XRN1: variants seen among roughly 807,000 people sequenced by gnomAD.
XRN1 encodes strand-exchange protein 1 homolog.
Under a neutral mutation model 222.3 loss-of-function variants are expected in XRN1, and 67 were observed. The observed-to-expected ratio is 0.30, with a 90% CI of 0.25 to 0.37. XRN1 has a LOEUF of 0.37. Among genes scored for constraint, XRN1 ranks in the 10% least tolerant of loss-of-function variants. XRN1 has a pLI of 1.00. For synonymous variants in XRN1, 643 were observed against 652.4 expected, an observed-to-expected ratio of 0.99 and a Z score of 0.22; for missense variants, 1,707 against 2,000.2, an observed-to-expected ratio of 0.85 and a Z score of 2.80.
intron 22 of XRN1, 150 bp downstream of exon 22, chr3:142,383,150 T>C (rs2107939594): frequency 3.0e-6 from 2 of 668,564 alleles, no homozygotes; most frequent in East Asian, 5.5e-5. Flanking sequence ...TTTAGATATA[T>C]AAGTCAAACA....
chr3:142,425,896 G>GTT (rs879540004), intron 3 of XRN1, among the ~76,000 whole-genome samples: 2 of 144,388 alleles, frequency 1.4e-5, no homozygotes, highest in South Asian at 4.4e-4. Context: ...AATTCTGAAG[G>GTT]TTTTTTTTTT....
intron 16 of XRN1, 92 bp downstream of exon 16, chr3:142,404,815 A>G: frequency 8.1e-7 from 1 of 1,233,310 alleles, no homozygotes; most frequent in Non-Finnish European, 1.2e-6. Context: ...CTAATTCTCC[A>G]AACAGATATT....
At chr3:142,394,941 G>A (rs938553904) in intron 20 of XRN1, among the ~76,000 whole-genome samples, 2 of 152,190 alleles carry the variant, frequency 1.3e-5, no homozygotes, top group Non-Finnish European at 2.9e-5. Context: ...AATATTTCAT[G>A]TATATGTTTA....
chr3:142,414,179 C>G lies in XRN1; in HGVS notation c.1549G>C (p.Val517Leu). 6.2e-7 allele frequency: 1 copy of G among 1,613,380 alleles called. No individual in the cohort carries two copies. Among genetic ancestry groups the G allele is most frequent in the East Asian group, 2.2e-5 (1 of 44,826 alleles). The change falls in exon 14 of 41, where the codon GTA becomes CTA. Residue 517 changes from valine (V) to leucine (L), a missense_variant. This residue lies in a region of XRN1 where 1,234 missense variants were observed against 1,518.2 expected (regional missense o/e 0.81). Transcript: ENST00000392981. ...AAATTTTTGCTGGCTGCTGGAAGTA[C>G]AGCAAGAAGCTGTTCAAATGGCTTA... ...PFKPFEQLLA[V>L]LPAASKNLLP...
intron 27 of XRN1, among the ~76,000 whole-genome samples, chr3:142,366,435 T>C (rs2107868098): frequency 6.6e-6 from 1 of 152,360 alleles, no homozygotes; most frequent in South Asian, 2.1e-4. Context: ...TTTCATTTAT[T>C]CTTTCAATGA....
chr3:142,320,760 G>T (rs1281676389), intron 37 of XRN1, among the ~76,000 whole-genome samples: 4 of 152,056 alleles, frequency 2.6e-5, no homozygotes, highest in African/African-American at 9.7e-5. Context: ...TCATTAGGAA[G>T]TATTTTCTCT....
chr3:142,398,897 G>A (rs1275745635), intron 19 of XRN1, among the ~76,000 whole-genome samples: 1 of 151,918 alleles, frequency 6.6e-6, no homozygotes, highest in Admixed American at 6.6e-5. Context: ...AAAATCAATT[G>A]TATTTTTATA....
At chr3:142,392,321 ATTTC>A in intron 20 of XRN1, among the ~76,000 whole-genome samples, 1 of 118,718 alleles carries the variant, frequency 8.4e-6, no homozygotes, top group South Asian at 2.4e-4. Flanking sequence ...TAAGCCAGCA[ATTTC>A]TTTTTTTTTT....
chr3:142,352,778 T>A (rs1216589689), intron 32 of XRN1, among the ~76,000 whole-genome samples: 1 of 152,210 alleles, frequency 6.6e-6, no homozygotes, highest in Admixed American at 6.5e-5. Flanking sequence ...TAGCTGGGAC[T>A]ACACATGTGT....
chr3:142,426,471 TAA>T (rs2069251744), intron 3 of XRN1: 1 of 337,274 alleles, frequency 3.0e-6, no homozygotes, highest in Non-Finnish European at 5.4e-6. Flanking sequence ...TATATAAACA[TAA>T]GTTTCTTCAA....
At chr3:142,423,702 CA>C in intron 5 of XRN1, 60 bp from the exon 6 acceptor site, 1 of 1,324,074 alleles carries the variant, frequency 7.6e-7, no homozygotes, top group Non-Finnish European at 1.0e-6. Flanking sequence ...ATTAGGTTCA[CA>C]AAAGCAATTA....
intron 39 of XRN1, among the ~76,000 whole-genome samples, chr3:142,317,950 A>T (rs1202780832): frequency 6.6e-6 from 1 of 152,166 alleles, no homozygotes; most frequent in East Asian, 1.9e-4. Flanking sequence ...ATCCTCACAG[A>T]TTTACACTTT....
rs764919998 is a variant in XRN1 at position 142,421,001 on chromosome 3, TA to T, written c.1173+14del. 4 of 1,613,106 alleles carry T rather than the reference TA, an allele frequency of 2.5e-6. No homozygotes were observed. Among genetic ancestry groups the T allele is most frequent in the Non-Finnish European group, 3.4e-6 (4 of 1,179,598 alleles). ...ACAGTTAAAACAATGAAAGGACACCTAAAAAAATAGACACCTTTAACTTTTT... is the reference window on the plus strand; with the variant it reads ...ACAGTTAAAACAATGAAAGGACACCTAAAAAATAGACACCTTTAACTTTTT... On this transcript the variant is annotated intron_variant, in intron 10 of 40. Transcript: ENST00000392981.
rs576041086 is a variant in XRN1 at position 142,402,519 on chromosome 3, CAG to C, written c.2103+1153_2103+1154del. On this transcript the variant is annotated intron_variant, in intron 18 of 40. Transcript: ENST00000392981. ...TTCTAAACAGGTTTTTCATCTGAATCAGAGAACACAAAATACGTCTACTTTCT... is the reference window on the plus strand; with the variant it reads ...TTCTAAACAGGTTTTTCATCTGAATCAGAACACAAAATACGTCTACTTTCT... Among the ~76,000 whole-genome samples, 484 of 152,246 alleles carry C rather than the reference CAG, an allele frequency of 3.2e-3. 1 individual carries two copies. The highest frequency in any genetic ancestry group is 5.2e-3 in the Non-Finnish European group (351 of 68,004).
At position 142,400,429 on chromosome 3, in the gene XRN1, T is replaced by C. The variant is rs757915610; in HGVS notation, c.2207+15A>G. The C allele has an allele frequency of 1.9e-6, 3 of 1,574,570 alleles. No individual in the cohort carries two copies. Among genetic ancestry groups the C allele is most frequent in the Non-Finnish European group, 2.6e-6 (3 of 1,157,838 alleles). ...AAATATATGTTAGAAAAATTATAAATCAAATCTTACTTACTTAGTTTCTCC... is the reference window on the plus strand; with the variant it reads ...AAATATATGTTAGAAAAATTATAAACCAAATCTTACTTACTTAGTTTCTCC... On this transcript the variant is annotated intron_variant, in intron 19 of 40. Transcript: ENST00000392981.
At chr3:142,435,893 T>A (rs916650214) in intron 1 of XRN1, 2 of 151,650 alleles carry the variant, frequency 1.3e-5, no homozygotes, top group Non-Finnish European at 2.9e-5. Context: ...ACCCCATCTC[T>A]ACTAAAAATA....
chr3:142,331,359 TAA>T (rs145653714), intron 36 of XRN1, among the ~76,000 whole-genome samples: 18,920 of 152,162 alleles, frequency 0.12, 1,168 homozygotes, highest in Non-Finnish European at 0.14. Flanking sequence ...TTTACAGACT[TAA>T]GAGTATGACT....
At chr3:142,335,621 GAC>G (rs2065831997) in intron 33 of XRN1, 112 bp from the exon 34 acceptor site, 2 of 943,570 alleles carry the variant, frequency 2.1e-6, no homozygotes, top group Non-Finnish European at 3.3e-6. Context: ...AGAATTTCAA[GAC>G]ACAGTCTCTG....
rs1382851943 is a variant in XRN1, at chr3:142,309,392, T to G, written c.*2119A>C. On this transcript the variant is annotated 3_prime_UTR_variant, in exon 41 of 41. Coordinates refer to ENST00000392981, the MANE Select transcript of XRN1 (RefSeq NM_001282857.2). ...GCATGTGCCATCACGCCCGGCTAATTTTTGTATTTTTAGTAGAGACAGGGC... is the reference window on the plus strand; with the variant it reads ...GCATGTGCCATCACGCCCGGCTAATGTTTGTATTTTTAGTAGAGACAGGGC... 6.6e-6 allele frequency: 1 copy of G among 152,036 alleles called. No individual in the cohort carries two copies. The highest frequency in any genetic ancestry group is 2.4e-5 in the African/African-American group (1 of 41,380). The allele number at this position is 152,036 out of a possible 1,614,324, so 9.4% of individuals were successfully genotyped here.
Sources: gnomAD v4.1 joint callset for allele counts (sites outside exome capture counted in the v4.1 genomes callset) on GRCh38, gnomAD v4.1.1 for gene constraint, gnomAD v4.1.1 regional missense constraint, MANE v1.5 for transcripts, NCBI Gene and HGNC (gene_info 2026-07-23, HGNC 2026-07-21) for gene names.